Variants in AEBP1 observed in about 807,000 individuals in gnomAD.
AEBP1 encodes AE binding protein 1, also known as adipocyte enhancer-binding protein 1.
Under a neutral mutation model 116.5 loss-of-function variants are expected in AEBP1, and 69 were observed. The ratio of observed to expected loss-of-function variants is 0.59; its 90% confidence interval spans 0.49 to 0.72. The LOEUF (loss-of-function observed/expected upper bound fraction) is 0.72. Ranked by LOEUF, AEBP1 falls within the 30% of genes least tolerant of loss-of-function variation. AEBP1 has a pLI of 0.00. For missense variants in AEBP1, 1,444 were observed against 1,557.5 expected (o/e 0.93, Z 1.23); for synonymous variants, 627 against 627.3 (o/e 1.00, Z 0.01).
In AEBP1 at chr7:44,111,735, A is replaced by G. The variant is rs2096229634; in HGVS notation, c.1840+105A>G. 2 of 1,550,270 alleles carry G rather than the reference A, an allele frequency of 1.3e-6. No homozygotes were observed. Among genetic ancestry groups the G allele is most frequent in the African/African-American group, 1.4e-5 (1 of 73,084 alleles). On this transcript the variant is annotated intron_variant, in intron 15 of 20. Transcript: ENST00000223357. The surrounding 1 kb of genome is among the most constrained non-coding windows in gnomAD (Gnocchi z 4.7). ...CTCTGGGGATTCTGGCTTGTCTTACAGGGCCCTAGGAGCCCCAGCTGTCCC... is the reference window on the plus strand; with the variant it reads ...CTCTGGGGATTCTGGCTTGTCTTACGGGGCCCTAGGAGCCCCAGCTGTCCC...
Position 44,107,800 on chromosome 7 carries a change from C to T in AEBP1, c.740-9C>T. On this transcript the variant is annotated splice_polypyrimidine_tract_variant and intron_variant, in intron 4 of 20. Coordinates refer to ENST00000223357, the MANE Select transcript of AEBP1 (RefSeq NM_001129.5). This position sits in a 1 kb window ranked among gnomAD's most constrained non-coding sequence, Gnocchi z 4.3. ...CTTGGGCCCCACTCTGAGCCAGCCT[C>T]CCCCTCAGTTGAGTACATTCGGCGC... 6.2e-7 allele frequency: 1 copy of T among 1,612,208 alleles called. No individual in the cohort carries two copies. The highest frequency in any genetic ancestry group is 8.5e-7 in the Non-Finnish European group (1 of 1,179,586).
chr7:44,113,428 G>T lies in AEBP1; in HGVS notation c.2809+77G>T, dbSNP rs1003398232. Reference sequence around the variant, plus strand: ...AGAGGGTGGGGGCTTGAGGAACTCAGCGAGCAGGTAGAGTCTGGGGAGCCT... The same window carrying T: ...AGAGGGTGGGGGCTTGAGGAACTCATCGAGCAGGTAGAGTCTGGGGAGCCT... On this transcript the variant is annotated intron_variant, in intron 20 of 20. Coordinates refer to ENST00000223357, the MANE Select transcript of AEBP1 (RefSeq NM_001129.5). The surrounding 1 kb of genome is among the most constrained non-coding windows in gnomAD (Gnocchi z 5.3). 90 of 1,500,060 alleles carry T rather than the reference G, an allele frequency of 6.0e-5. No homozygotes were observed. The highest frequency in any genetic ancestry group is 8.2e-5 in the Non-Finnish European group (90 of 1,102,830). 92.9% of individuals were successfully genotyped at this position (1,500,060 alleles called of 1,614,324 possible). A position where few individuals can be genotyped will look rare whatever the true frequency, so the allele number is the denominator to read the frequency against.
rs781434157 is a variant in AEBP1, at chr7:44,112,050, G to A, written c.2037G>A (p.Met679Ile). The part of the protein sequence containing the change: ...NPDGYEVAAQ[M>I]GSEFGNWALG... ...ATGGCTACGAGGTGGCAGCGCAGAT[G>A]GTGGGTTGAAGGGTGAGGCTGGCCA... is the stretch of plus-strand genomic sequence containing the variant. Residue 679 changes from methionine (M) to isoleucine (I), a missense_variant and splice_region_variant, in exon 16 of 21, where the codon ATG (methionine) becomes ATA (isoleucine). Transcript: ENST00000223357. This position sits in a 1 kb window ranked among gnomAD's most constrained non-coding sequence, Gnocchi z 6.6. 5 of 1,612,512 alleles carry A rather than the reference G, an allele frequency of 3.1e-6. No homozygotes were observed. The highest frequency in any genetic ancestry group is 1.3e-5 in the African/African-American group (1 of 74,894).
In AEBP1 at chr7:44,109,942, G is replaced by A. The variant is rs541110770; in HGVS notation, c.1151-73G>A. Reference sequence around the variant, plus strand: ...CCGATGTGCCGGGAGTGGGCTCTGGGCTCCTTGGTTCTGGGTTTGGTGGAG... The same window carrying A: ...CCGATGTGCCGGGAGTGGGCTCTGGACTCCTTGGTTCTGGGTTTGGTGGAG... On this transcript the variant is annotated intron_variant, in intron 9 of 20. Transcript: ENST00000223357. 1.2e-5 allele frequency: 17 copies of A among 1,389,090 alleles called. No homozygotes were observed. The Admixed American group carries it at 3.2e-4, about 26-fold the overall frequency. The allele number at this position is 1,389,090 out of a possible 1,614,324, so 86.0% of individuals were successfully genotyped here. A position where few individuals can be genotyped will look rare whatever the true frequency, so the allele number is the denominator to read the frequency against.
At position 44,111,522 on chromosome 7, in the gene AEBP1, A is replaced by G. The variant is rs1406931916; in HGVS notation, c.1732A>G (p.Asn578Asp). 6.3e-7 allele frequency: 1 copy of G among 1,597,538 alleles called. No individual in the cohort carries two copies. Among genetic ancestry groups the G allele is most frequent in the Non-Finnish European group, 8.5e-7 (1 of 1,172,686 alleles). The change falls in exon 15 of 21, where the codon AAC (asparagine) becomes GAC (aspartate). Residue 578 changes from asparagine to aspartate, a missense_variant. By Grantham distance (23) the Asn-to-Asp change is conservative. Transcript: ENST00000223357. This position sits in a 1 kb window ranked among gnomAD's most constrained non-coding sequence, Gnocchi z 4.7. The part of the protein sequence containing the change: ...KDMRQLMKVV[N>D]EECPTITRTY... ...TCTGCCCCAGCTCATGAAGGTGGTGAACGAGGAGTGCCCCACCATCACCCG... is the reference window on the plus strand; with the variant it reads ...TCTGCCCCAGCTCATGAAGGTGGTGGACGAGGAGTGCCCCACCATCACCCG...
chr7:44,107,938 TG>T lies in AEBP1; in HGVS notation c.862+13del, dbSNP rs1177981171. ...GCCCCGGAGGAGAGGATTGGTAGGA[TG>T]GGGGGCAGGAGAGGAGGTGCCATGG... On this transcript the variant is annotated splice_region_variant and intron_variant, in intron 5 of 20. Transcript: ENST00000223357. The surrounding 1 kb of genome is among the most constrained non-coding windows in gnomAD (Gnocchi z 4.3). The T allele has an allele frequency of 7.0e-6, 11 of 1,574,316 alleles. No individual in the cohort carries two copies. The highest frequency in any genetic ancestry group is 5.7e-5 in the African/African-American group (4 of 70,658).
At position 44,112,792 on chromosome 7, in the gene AEBP1, T is replaced by A; in HGVS notation, c.2452T>A (p.Ser818Thr). The change falls in exon 18 of 21, where the codon TCC (serine) becomes ACC (threonine). Residue 818 changes from serine to threonine, a missense_variant. Transcript: ENST00000223357. This position sits in a 1 kb window ranked among gnomAD's most constrained non-coding sequence, Gnocchi z 6.6. ...DHAIFRWLAI[S>T]FASAHLTLTE... ...CGCCATCTTCCGGTGGCTTGCCATCTCCTTCGCCTCCGCACACCTCACCTT... is the reference window on the plus strand; with the variant it reads ...CGCCATCTTCCGGTGGCTTGCCATCACCTTCGCCTCCGCACACCTCACCTT... 1.2e-6 allele frequency: 2 copies of A among 1,612,412 alleles called. No homozygotes were observed. The highest frequency in any genetic ancestry group is 2.2e-5 in the South Asian group (2 of 91,080).
chr7:44,113,439 G>A lies in AEBP1; in HGVS notation c.2809+88G>A, dbSNP rs926503195. 4 of 1,473,914 alleles carry A rather than the reference G, an allele frequency of 2.7e-6. No individual in the cohort carries two copies. The highest frequency in any genetic ancestry group is 1.4e-5 in the African/African-American group (1 of 70,970). The allele number at this position is 1,473,914 out of a possible 1,614,324, so 91.3% of individuals were successfully genotyped here. A position where few individuals can be genotyped will look rare whatever the true frequency, so the allele number is the denominator to read the frequency against. ...GCTTGAGGAACTCAGCGAGCAGGTA[G>A]AGTCTGGGGAGCCTGGGGGCGAAAT... On this transcript the variant is annotated intron_variant, in intron 20 of 20. Transcript: ENST00000223357. The surrounding 1 kb of genome is among the most constrained non-coding windows in gnomAD (Gnocchi z 5.3).
Position 44,113,853 on chromosome 7 carries a change from A to G in AEBP1, c.3069A>G (p.Leu1023=). The change falls in exon 21 of 21, where the codon CTA becomes CTG. Residue 1023 remains leucine (L), a synonymous_variant. Coordinates refer to ENST00000223357, the MANE Select transcript of AEBP1 (RefSeq NM_001129.5). The surrounding 1 kb of genome is among the most constrained non-coding windows in gnomAD (Gnocchi z 5.3). ...AGCGACGCCTGCAGCAGCGACGCCT[A>G]CAACACCGCCTGCGGCTTCGGGCAC... ...PQQRRLQQRR[L]QHRLRLRAQM... The G allele has an allele frequency of 6.2e-7, 1 of 1,613,858 alleles. No individual in the cohort carries two copies. The highest frequency in any genetic ancestry group is 8.5e-7 in the Non-Finnish European group (1 of 1,179,988).
Position 44,114,063 on chromosome 7 carries a change from T to G in AEBP1, c.3279T>G (p.Phe1093Leu). ...CCTACACAGAGGTGGTGACAGAGTT[T>G]GGGACCGAGGTGGAGCCCGAGTTTG... ...TETYTEVVTE[F>L]GTEVEPEFGT... is the part of the protein sequence containing the mutation. The change falls in exon 21 of 21, where the codon TTT (phenylalanine) becomes TTG (leucine). Residue 1093 changes from phenylalanine (F) to leucine (L), a missense_variant. Coordinates refer to ENST00000223357, the MANE Select transcript of AEBP1 (RefSeq NM_001129.5). 6.2e-7 allele frequency: 1 copy of G among 1,614,048 alleles called. No individual in the cohort carries two copies. Among genetic ancestry groups the G allele is most frequent in the Non-Finnish European group, 8.5e-7 (1 of 1,179,988 alleles).
In AEBP1 at chr7:44,114,081, C is replaced by T. The variant is rs1193230127; in HGVS notation, c.3297C>T (p.Pro1099=). Residue 1099 remains proline (P), a synonymous_variant, in exon 21 of 21, where the codon CCC becomes CCT. Coordinates refer to ENST00000223357, the MANE Select transcript of AEBP1 (RefSeq NM_001129.5). ...CAGAGTTTGGGACCGAGGTGGAGCC[C>T]GAGTTTGGGACCAAGGTGGAGCCCG... ...VVTEFGTEVE[P]EFGTKVEPEF... is the part of the protein sequence containing the mutation. 6.2e-6 allele frequency: 10 copies of T among 1,613,178 alleles called. No homozygotes were observed. In the East Asian group the frequency reaches 6.7e-5, roughly 11 times the overall value.
rs1378987375 is a variant in AEBP1 at position 44,113,961 on chromosome 7, C to T, written c.3177C>T (p.Thr1059=). ...CCACGCTGCCCCCTGCCCCTGCCAC[C>T]ACCCTGAGCACTACCATAGAGCCCT... ...VPPTLPPAPA[T]TLSTTIEPWG... Residue 1059 remains threonine (T), a synonymous_variant, in exon 21 of 21, where the codon ACC becomes ACT. Coordinates refer to ENST00000223357, the MANE Select transcript of AEBP1 (RefSeq NM_001129.5). This position sits in a 1 kb window ranked among gnomAD's most constrained non-coding sequence, Gnocchi z 5.3. 1 of 1,613,524 alleles carries T rather than the reference C, an allele frequency of 6.2e-7. No homozygotes were observed. The highest frequency in any genetic ancestry group is 1.3e-5 in the African/African-American group (1 of 75,044).
chr7:44,109,299 G>A lies in AEBP1; in HGVS notation c.1108G>A (p.Gly370Ser), dbSNP rs200190216. ...TTCATTGTCCCTAGAGCCCCGAAAG[G>A]GCGAGGAGTTGGAGGAGGAGTGGAC... ...KGKDHKEPRK[G>S]EELEEEWTPT... Residue 370 changes from glycine (G) to serine (S), a missense_variant, in exon 9 of 21, where the codon GGC becomes AGC. Coordinates refer to ENST00000223357, the MANE Select transcript of AEBP1 (RefSeq NM_001129.5). 74 of 1,609,542 alleles carry A rather than the reference G, an allele frequency of 4.6e-5. No individual in the cohort carries two copies. The Admixed American group carries it at 1.2e-3, about 25-fold the overall frequency.
rs376847554 is a variant in AEBP1, at chr7:44,106,865, C to G, written c.573C>G (p.Pro191=). 3 of 1,589,640 alleles carry G rather than the reference C, an allele frequency of 1.9e-6. No individual in the cohort carries two copies. The South Asian group carries it at 3.4e-5, about 18-fold the overall frequency. ...TGCCCCCACCCCCCAGCCCTGGCCC[C>G]GAGGAGCTACCCCAGGAGGGAGGTT... ...WPLPPPPSPG[P]EELPQEGGAP... Residue 191 remains proline, a synonymous_variant, in exon 2 of 21, where the codon CCC becomes CCG. Transcript: ENST00000223357.
chr7:44,104,637 C>G lies in AEBP1; in HGVS notation c.-29C>G. The G allele has an allele frequency of 7.0e-7, 1 of 1,420,176 alleles. No homozygotes were observed. The highest frequency in any genetic ancestry group is 9.1e-7 in the Non-Finnish European group (1 of 1,093,804). 88.0% of individuals were successfully genotyped at this position (1,420,176 alleles called of 1,614,324 possible). A position where few individuals can be genotyped will look rare whatever the true frequency, so the allele number is the denominator to read the frequency against. The stretch of plus-strand genomic sequence containing the variant: ...CAGAGCCCCTGACCCCCCGCGCCCT[C>G]CCCGGAGCCCCCCGCGCGTGCCGCG... On this transcript the variant is annotated 5_prime_UTR_variant, in exon 1 of 21. Coordinates refer to ENST00000223357, the MANE Select transcript of AEBP1 (RefSeq NM_001129.5).
rs1216792785 is a variant in AEBP1, at chr7:44,112,541, C to A, written c.2218-17C>A. The A allele has an allele frequency of 6.4e-7, 1 of 1,557,172 alleles. No homozygotes were observed. Among genetic ancestry groups the A allele is most frequent in the Non-Finnish European group, 8.7e-7 (1 of 1,145,968 alleles). ...CCGGAGCTGCAGCCCTGGCCTCACACGTGCTGGCCACTCCAGGTATCCACG... is the reference window on the plus strand; with the variant it reads ...CCGGAGCTGCAGCCCTGGCCTCACAAGTGCTGGCCACTCCAGGTATCCACG... On this transcript the variant is annotated splice_polypyrimidine_tract_variant and intron_variant, in intron 17 of 20. Coordinates refer to ENST00000223357, the MANE Select transcript of AEBP1 (RefSeq NM_001129.5). The surrounding 1 kb of genome is among the most constrained non-coding windows in gnomAD (Gnocchi z 6.6).
chr7:44,114,133 T>C lies in AEBP1; in HGVS notation c.3349T>C (p.Phe1117Leu), dbSNP rs760468129. The C allele has an allele frequency of 1.9e-5, 30 of 1,613,602 alleles. No individual in the cohort carries two copies. The Admixed American group carries it at 4.8e-4, about 26-fold the overall frequency. Residue 1117 changes from phenylalanine (F) to leucine (L), a missense_variant, in exon 21 of 21, where the codon TTT becomes CTT. Transcript: ENST00000223357. ...PEFETQLEPE[F>L]ETQLEPEFEE... The stretch of plus-strand genomic sequence containing the variant: ...GTTTGAGACCCAGTTGGAGCCTGAG[T>C]TTGAGACCCAGCTGGAACCCGAGTT...
In AEBP1 at chr7:44,104,649, C is replaced by T. The variant is rs933150154; in HGVS notation, c.-17C>T. 2 of 1,443,814 alleles carry T rather than the reference C, an allele frequency of 1.4e-6. No homozygotes were observed. The highest frequency in any genetic ancestry group is 3.0e-5 in the African/African-American group (2 of 66,796). The allele number at this position is 1,443,814 out of a possible 1,614,324, so 89.4% of individuals were successfully genotyped here. A position where few individuals can be genotyped will look rare whatever the true frequency, so the allele number is the denominator to read the frequency against. On this transcript the variant is annotated 5_prime_UTR_variant, in exon 1 of 21. Coordinates refer to ENST00000223357, the MANE Select transcript of AEBP1 (RefSeq NM_001129.5). ...CCCCCCGCGCCCTCCCCGGAGCCCC[C>T]CGCGCGTGCCGCGGCCATGGCGGCC... is the stretch of plus-strand genomic sequence containing the variant.
In AEBP1 at chr7:44,108,901, G is replaced by A. The variant is rs945595554; in HGVS notation, c.943G>A (p.Asp315Asn). Residue 315 changes from aspartate (D) to asparagine (N), a missense_variant and splice_region_variant, in exon 7 of 21, where the codon GAC becomes AAC. By Grantham distance (23) the Asp-to-Asn change is conservative. Transcript: ENST00000223357. The surrounding 1 kb of genome is among the most constrained non-coding windows in gnomAD (Gnocchi z 5.0). Reference protein sequence around the residue: ...GYVIPNYDDMDYYFGPPPPQK... With the variant: ...GYVIPNYDDMNYYFGPPPPQK... ...CAGCTGGCTCTCCCTCCCCATAGTG[G>A]ACTATTACTTTGGGCCTCCTCCGCC... 6 of 1,578,346 alleles carry A rather than the reference G, an allele frequency of 3.8e-6. No individual in the cohort carries two copies. The highest frequency in any genetic ancestry group is 5.2e-6 in the Non-Finnish European group (6 of 1,163,028).
Sources: gnomAD v4.1 joint callset for allele counts on GRCh38, gnomAD v4.1.1 for gene constraint, Gnocchi (gnomAD v3.1) non-coding constraint, MANE v1.5 for transcripts, NCBI Gene and HGNC (gene_info 2026-07-23, HGNC 2026-07-21) for gene names.